Variants in FBXL13 observed in about 807,000 individuals in gnomAD.
The protein encoded by FBXL13 is F-box and leucine-rich repeat protein 13.
Under a neutral mutation model 83.6 loss-of-function variants are expected in FBXL13, and 67 were observed. The observed-to-expected ratio is 0.80, with a 90% confidence interval of 0.66 to 0.98. The LOEUF is 0.98. Ranked by LOEUF, FBXL13 falls within the 50% of genes least tolerant of loss-of-function variation. FBXL13 has a pLI of 0.00. For synonymous variants in FBXL13, 272 were observed against 299.5 expected, an observed-to-expected ratio of 0.91 and a Z score of 0.95; for missense variants, 822 against 866.5, an observed-to-expected ratio of 0.95 and a Z score of 0.64.
At chr7:102,851,362 G>A (rs1214218488) in intron 17 of FBXL13, among the ~76,000 whole-genome samples, 2 of 152,038 alleles carry the variant, frequency 1.3e-5, no homozygotes, top group Admixed American at 1.3e-4. Flanking sequence ...ATGCTCTGTG[G>A]ACTTCTCAGC....
intron 2 of FBXL13, among the ~76,000 whole-genome samples, chr7:103,046,527 G>C (rs922673627): frequency 2.0e-5 from 3 of 151,920 alleles, no homozygotes; most frequent in African/African-American, 7.3e-5. Flanking sequence ...TACCATTAAA[G>C]TTTCTCACCT....
chr7:103,001,187 C>T (rs1356324951), intron 6 of FBXL13, among the ~76,000 whole-genome samples: 1 of 151,940 alleles, frequency 6.6e-6, no homozygotes, highest in East Asian at 1.9e-4. Context: ...TCTCAAACTC[C>T]CAGGTTCAAG....
At chr7:103,055,840 G>T (rs192919781) in intron 1 of FBXL13, 93 bp from the exon 2 acceptor site, 17 of 519,500 alleles carry the variant, frequency 3.3e-5, no homozygotes, top group Non-Finnish European at 4.4e-5. Context: ...TTTGTTTTGG[G>T]TTTTTTTGGT....
chr7:102,996,300 T>C (rs1396085133), intron 6 of FBXL13, among the ~76,000 whole-genome samples: 3 of 152,192 alleles, frequency 2.0e-5, no homozygotes, highest in Non-Finnish European at 2.9e-5. Context: ...CTTCAGTAGT[T>C]GGCTTTTTTG....
chr7:102,923,053 T>A (rs181446528), intron 10 of FBXL13, among the ~76,000 whole-genome samples: 2 of 152,330 alleles, frequency 1.3e-5, no homozygotes, highest in East Asian at 1.9e-4. Context: ...TGAATTTTTT[T>A]ATTAACATTA....
At chr7:103,008,478 T>C (rs1791222293) in intron 6 of FBXL13, among the ~76,000 whole-genome samples, 2 of 152,220 alleles carry the variant, frequency 1.3e-5, no homozygotes, top group Admixed American at 6.5e-5. Context: ...GAAAAAATAT[T>C]CTTTGTACTG....
chr7:102,900,240 A>T (rs1812795955), intron 11 of FBXL13, among the ~76,000 whole-genome samples: 1 of 152,176 alleles, frequency 6.6e-6, no homozygotes, highest in African/African-American at 2.4e-5. Flanking sequence ...TGGGCATTAA[A>T]GTTTAGTCCA....
At chr7:102,991,720 A>T (rs1829576402) in intron 6 of FBXL13, among the ~76,000 whole-genome samples, 5 of 152,226 alleles carry the variant, frequency 3.3e-5, no homozygotes, top group Admixed American at 3.3e-4. Context: ...CTTCAATGCA[A>T]ATCACAAGCC....
At chr7:102,962,078 A>T (rs1771076423) in intron 8 of FBXL13, among the ~76,000 whole-genome samples, 1 of 147,876 alleles carries the variant, frequency 6.8e-6, no homozygotes, top group Non-Finnish European at 1.5e-5. Context: ...AATTTTCACA[A>T]CTACTCATCT....
At chr7:102,834,116 A>C (rs1235305538) in intron 17 of FBXL13, among the ~76,000 whole-genome samples, 3 of 116,306 alleles carry the variant, frequency 2.6e-5, no homozygotes, top group African/African-American at 1.3e-4. Context: ...GAAAGAAAGA[A>C]AGAAAGAAAG....
At chr7:103,034,990 A>G (rs1356981083) in intron 2 of FBXL13, among the ~76,000 whole-genome samples, 1 of 152,234 alleles carries the variant, frequency 6.6e-6, no homozygotes, top group African/African-American at 2.4e-5. Flanking sequence ...TATTGCCACA[A>G]AGTGGTACTA....
chr7:102,814,692 G>A (rs1797752718), intron 19 of FBXL13, among the ~76,000 whole-genome samples: 1 of 152,162 alleles, frequency 6.6e-6, no homozygotes, highest in South Asian at 2.1e-4. Flanking sequence ...TTCCTAGTTT[G>A]GAGCCACCAA....
intron 17 of FBXL13, among the ~76,000 whole-genome samples, chr7:102,847,184 C>T (rs1804147157): frequency 6.6e-6 from 1 of 151,678 alleles, no homozygotes; most frequent in African/African-American, 2.4e-5. Context: ...ACAGAAACTA[C>T]CTGACCCTTC....
At chr7:103,038,668 T>C (rs1045529582) in intron 2 of FBXL13, among the ~76,000 whole-genome samples, 3 of 152,118 alleles carry the variant, frequency 2.0e-5, no homozygotes, top group East Asian at 3.8e-4. Flanking sequence ...TGGTGATACA[T>C]AGGCAAACAA....
At chr7:103,021,237 A>G (rs1198355862) in intron 6 of FBXL13, among the ~76,000 whole-genome samples, 2 of 152,220 alleles carry the variant, frequency 1.3e-5, no homozygotes, top group East Asian at 3.8e-4. Context: ...TGGGGAAAGG[A>G]TTCCCTATTT....
intron 1 of FBXL13, among the ~76,000 whole-genome samples, chr7:103,068,310 G>A (rs1798590947): frequency 1.3e-5 from 2 of 152,146 alleles, no homozygotes; most frequent in African/African-American, 4.8e-5. Flanking sequence ...CAAAGAAGCT[G>A]AGACTTTAGA....
chr7:102,952,828 A>G (rs1484053761), intron 8 of FBXL13, among the ~76,000 whole-genome samples: 1 of 152,128 alleles, frequency 6.6e-6, no homozygotes, highest in East Asian at 1.9e-4. Flanking sequence ...TACTCAAAAT[A>G]CAAAAATTAG....
chr7:103,060,759 A>G (rs1797824684), intron 1 of FBXL13, among the ~76,000 whole-genome samples: 1 of 152,228 alleles, frequency 6.6e-6, no homozygotes, highest in African/African-American at 2.4e-5. Flanking sequence ...AATTACTCCA[A>G]AAGTGCAGAG....
chr7:102,985,479 C>T (rs1439387371), intron 6 of FBXL13, among the ~76,000 whole-genome samples: 1 of 152,160 alleles, frequency 6.6e-6, no homozygotes, highest in Non-Finnish European at 1.5e-5. Flanking sequence ...TGTTACAACT[C>T]AGGGGCAGCA....
Sources: gnomAD v4.1 joint callset for allele counts (sites outside exome capture counted in the v4.1 genomes callset) on GRCh38, gnomAD v4.1.1 for gene constraint, MANE v1.5 for transcripts, NCBI Gene and HGNC (gene_info 2026-07-23, HGNC 2026-07-21) for gene names.